Variants in DTWD2 observed in about 807,000 individuals in gnomAD.
DTWD2 encodes the protein tRNA-uridine aminocarboxypropyltransferase 2.
DTWD2 carries 39 observed loss-of-function variants against 31.8 expected under a neutral mutation model. The ratio of observed to expected loss-of-function variants is 1.22; its 90% CI spans 0.95 to 1.60. The LOEUF (loss-of-function observed/expected upper bound fraction) is 1.60. Ranked by LOEUF, DTWD2 falls within the 40% of genes most tolerant of loss-of-function variation. The pLI is 0.00. For synonymous variants in DTWD2, 180 were observed against 142.8 expected (o/e 1.26, Z -1.86); for missense variants, 515 against 381.5 (o/e 1.35, Z -2.92).
rs139176660 is a variant in DTWD2 at position 118,979,700 on chromosome 5, G to A, written c.218+8594C>T. ...AGGAATGAGATCATGTCCTTTGCAG[G>A]GACATGGATGAAGCTGGATACTTTA... On this transcript the variant is annotated intron_variant, in intron 1 of 5. Coordinates refer to ENST00000510708, the MANE Select transcript of DTWD2 (RefSeq NM_173666.4). Among the ~76,000 whole-genome samples, 1,636 of 152,320 alleles carry A rather than the reference G, an allele frequency of 0.011. 102 individuals carry two copies. The East Asian group carries it at 0.2, about 18-fold the overall frequency.
At chr5:118,843,853 G>A (rs1450902727) in intron 5 of DTWD2, among the ~76,000 whole-genome samples, 1 of 152,196 alleles carries the variant, frequency 6.6e-6, no homozygotes, top group South Asian at 2.1e-4. Flanking sequence ...CCTGATACAT[G>A]AGCAGATTGG....
intron 4 of DTWD2, among the ~76,000 whole-genome samples, chr5:118,849,261 A>T (rs1751941966): frequency 6.6e-6 from 1 of 152,250 alleles, no homozygotes; most frequent in Non-Finnish European, 1.5e-5. Flanking sequence ...TGTGGCCAAC[A>T]AACATAAGAA....
chr5:118,899,532 T>C (rs747590211), intron 4 of DTWD2, among the ~76,000 whole-genome samples: 6 of 152,144 alleles, frequency 3.9e-5, no homozygotes, highest in Non-Finnish European at 7.3e-5. Flanking sequence ...ATAAGCGTTT[T>C]CTGGAAGCCG....
intron 4 of DTWD2, among the ~76,000 whole-genome samples, chr5:118,868,107 T>G (rs574912126): frequency 6.6e-6 from 1 of 152,132 alleles, no homozygotes; most frequent in South Asian, 2.1e-4. Flanking sequence ...AAAAATAAAT[T>G]CTGGCATAAT....
At chr5:118,949,742 A>G (rs147033229) in intron 1 of DTWD2, among the ~76,000 whole-genome samples, 186 of 152,208 alleles carry the variant, frequency 1.2e-3, no homozygotes, top group African/African-American at 4.3e-3. Context: ...GTGGATTAAG[A>G]TGGGGAGACA....
intron 4 of DTWD2, among the ~76,000 whole-genome samples, chr5:118,879,609 C>CAAAAAA (rs775009585): frequency 2.8e-4 from 10 of 36,176 alleles, no homozygotes; most frequent in Non-Finnish European, 4.3e-4. Flanking sequence ...GACTACAGCT[C>CAAAAAA]AAAAAAAAAA....
intron 4 of DTWD2, among the ~76,000 whole-genome samples, chr5:118,874,896 C>G (rs1388782601): frequency 6.6e-6 from 1 of 151,918 alleles, no homozygotes; most frequent in African/African-American, 2.4e-5. Flanking sequence ...AGATCAACCA[C>G]AAGACTGATA....
intron 4 of DTWD2, among the ~76,000 whole-genome samples, chr5:118,852,127 G>C (rs947412023): frequency 2.0e-5 from 3 of 152,134 alleles, no homozygotes; most frequent in Non-Finnish European, 2.9e-5. Context: ...TCCGTTTATA[G>C]GCTCTCTGCA....
intron 1 of DTWD2, chr5:118,974,540 A>AG: frequency 4.1e-6 from 2 of 483,278 alleles, no homozygotes; most frequent in South Asian, 1.6e-5. Context: ...ATCTCAAAGG[A>AG]GAAAAAAAAC....
At chr5:118,969,146 T>C (rs1455897468) in intron 1 of DTWD2, among the ~76,000 whole-genome samples, 3 of 150,536 alleles carry the variant, frequency 2.0e-5, no homozygotes, top group African/African-American at 7.3e-5. Flanking sequence ...CTGAGTTATA[T>C]GAACAGATCT....
At chr5:118,921,852 C>T (rs1289609332) in intron 4 of DTWD2, among the ~76,000 whole-genome samples, 2 of 152,146 alleles carry the variant, frequency 1.3e-5, no homozygotes, top group Non-Finnish European at 2.9e-5. Context: ...AAAAGAATAA[C>T]GACGTGTTTG....
intron 1 of DTWD2, among the ~76,000 whole-genome samples, chr5:118,981,934 T>C (rs1303103188): frequency 6.6e-6 from 1 of 152,226 alleles, no homozygotes; most frequent in Non-Finnish European, 1.5e-5. Context: ...AATGCAGTCA[T>C]ACTGTTCATT....
rs112676535 is a variant in DTWD2, at chr5:118,868,577, C to T, written c.598-20359G>A. On this transcript the variant is annotated intron_variant, in intron 4 of 5. Coordinates refer to ENST00000510708, the MANE Select transcript of DTWD2 (RefSeq NM_173666.4). Reference sequence around the variant, plus strand: ...ACAACTCAACAACAAACAAATAATGCCTCTAATCCCAACACTTTGGGAGGC... The same window carrying T: ...ACAACTCAACAACAAACAAATAATGTCTCTAATCCCAACACTTTGGGAGGC... Among the ~76,000 whole-genome samples the T allele has an allele frequency of 7.9e-5, 12 of 152,112 alleles. No individual in the cohort carries two copies. In the South Asian group the frequency reaches 1.7e-3, roughly 21 times the overall value.
intron 4 of DTWD2, among the ~76,000 whole-genome samples, chr5:118,914,607 C>T (rs1753533316): frequency 6.6e-6 from 1 of 152,164 alleles, no homozygotes; most frequent in African/African-American, 2.4e-5. Flanking sequence ...CAATCCTGCT[C>T]TCATGGAATT....
chr5:118,843,237 G>A (rs1751764061), intron 5 of DTWD2, among the ~76,000 whole-genome samples: 1 of 151,640 alleles, frequency 6.6e-6, no homozygotes, highest in Admixed American at 6.6e-5. Context: ...TTACAGGTGT[G>A]AGCCACCGCA....
At chr5:118,880,261 G>A (rs912373835) in intron 4 of DTWD2, among the ~76,000 whole-genome samples, 47 of 152,254 alleles carry the variant, frequency 3.1e-4, no homozygotes, top group African/African-American at 9.9e-4. Context: ...ATTAGGATAT[G>A]TCTTATAATA....
At chr5:118,862,937 A>T (rs976536974) in intron 4 of DTWD2, among the ~76,000 whole-genome samples, 23 of 152,180 alleles carry the variant, frequency 1.5e-4, no homozygotes, top group Non-Finnish European at 3.4e-4. Flanking sequence ...GATGTTGAAA[A>T]GGCTATATCC....
chr5:118,971,419 A>C (rs191301762), intron 1 of DTWD2, among the ~76,000 whole-genome samples: 4 of 152,338 alleles, frequency 2.6e-5, no homozygotes, highest in African/African-American at 9.6e-5. Context: ...GGTTCAGTTC[A>C]ACAAGGAGAG....
chr5:118,863,159 CA>C (rs1419892338), intron 4 of DTWD2, among the ~76,000 whole-genome samples: 1 of 152,172 alleles, frequency 6.6e-6, no homozygotes, highest in Non-Finnish European at 1.5e-5. Flanking sequence ...TTACGTTTTT[CA>C]GTTCATAGCT....
Sources: allele counts gnomAD v4.1 joint callset (sites outside exome capture counted in the v4.1 genomes callset), GRCh38; gene constraint gnomAD v4.1.1; transcripts MANE v1.5; gene names NCBI Gene and HGNC (gene_info 2026-07-23, HGNC 2026-07-21).